Variants in FMNL3 observed in about 807,000 individuals in gnomAD.
FMNL3 encodes formin-like protein 3.
A neutral mutation model predicts 119.6 loss-of-function variants in FMNL3; 57 were observed. The ratio of observed to expected loss-of-function variants is 0.48; its 90% CI spans 0.39 to 0.59. FMNL3 has a LOEUF of 0.59. FMNL3 is among the 20% of genes least tolerant of loss of function. The probability of loss-of-function intolerance (pLI) is 0.00; values close to 1 mark genes in which losing one functional copy is unlikely to be tolerated. For missense variants in FMNL3, 1,053 were observed against 1,323.5 expected (o/e 0.80, Z 3.17); for synonymous variants, 491 against 507.3 (o/e 0.97, Z 0.43).
chr12:49,651,935 G>T lies in FMNL3; in HGVS notation c.1601C>A (p.Pro534Gln). The T allele has an allele frequency of 6.3e-7, 1 of 1,587,074 alleles. No homozygotes were observed. ...CTCCCAGGGGTCGTCGTGGTTACCT[G>T]GTAATGGGGGAGGTGGAGGGGGCAA... is the stretch of plus-strand genomic sequence containing the variant. The part of the protein sequence containing the change: ...PPLPPPPPPL[P>Q]DKCPPAPPLP... Residue 534 changes from proline (P) to glutamine (Q), a missense_variant and splice_region_variant, in exon 14 of 26, where the codon CCA becomes CAA. Physicochemically the swap from Pro to Gln is moderately conservative, Grantham distance 76. Transcript: ENST00000335154.
intron 1 of FMNL3, among the ~76,000 whole-genome samples, chr12:49,701,689 A>G (rs979957681): frequency 1.3e-5 from 2 of 152,066 alleles, no homozygotes; most frequent in Admixed American, 1.3e-4. Context: ...TGGGAGGCCG[A>G]GGTGGGCAGA....
At chr12:49,687,777 T>C (rs915697261) in intron 1 of FMNL3, among the ~76,000 whole-genome samples, 1 of 152,180 alleles carries the variant, frequency 6.6e-6, no homozygotes, top group Non-Finnish European at 1.5e-5. Context: ...GCTTCCATCC[T>C]AGTGGGGCTA....
In FMNL3 at chr12:49,644,209, C is replaced by T; in HGVS notation, c.*1606G>A. On this transcript the variant is annotated 3_prime_UTR_variant, in exon 26 of 26. Transcript: ENST00000335154. ...CACCAGTGACCCAATGAGCTGTTCT[C>T]TGCCTCGGGTCTGTGTGAGGCCATG... 6.2e-7 allele frequency: 1 copy of T among 1,613,836 alleles called. No individual in the cohort carries two copies. Among genetic ancestry groups the T allele is most frequent in the Non-Finnish European group, 8.5e-7 (1 of 1,179,894 alleles).
chr12:49,673,366 G>A (rs1211329381), intron 1 of FMNL3, among the ~76,000 whole-genome samples: 1 of 152,252 alleles, frequency 6.6e-6, no homozygotes, highest in African/African-American at 2.4e-5. Flanking sequence ...TGCTGAAGGA[G>A]GAGCTGTAAC....
At chr12:49,686,420 A>G (rs1944460882) in intron 1 of FMNL3, among the ~76,000 whole-genome samples, 1 of 151,560 alleles carries the variant, frequency 6.6e-6, no homozygotes, top group African/African-American at 2.4e-5. Context: ...TCTCTACTAA[A>G]AATACAAAAA....
chr12:49,643,517 G>A lies in FMNL3; in HGVS notation c.*2298C>T. On this transcript the variant is annotated 3_prime_UTR_variant, in exon 26 of 26. Transcript: ENST00000335154. ...GATTGGGAGGGCTGCACCTGTGGAA[G>A]TAGAAAGAACTTCCTCTACCTGCCC... The A allele has an allele frequency of 7.1e-7, 1 of 1,417,206 alleles. No homozygotes were observed. Among genetic ancestry groups the A allele is most frequent in the Non-Finnish European group, 9.5e-7 (1 of 1,052,592 alleles). 87.8% of individuals were successfully genotyped at this position (1,417,206 alleles called of 1,614,324 possible). A position where few individuals can be genotyped will look rare whatever the true frequency, so the allele number is the denominator to read the frequency against.
chr12:49,649,290 A>G lies in FMNL3; in HGVS notation c.2354T>C (p.Val785Ala), dbSNP rs1943317333. Residue 785 changes from valine (V) to alanine (A), a missense_variant, in exon 20 of 26, where the codon GTG becomes GCG. Around this residue, in one of 4 missense-constraint regions of FMNL3, gnomAD observed 324 missense variants for 380.9 expected, o/e 0.85. Transcript: ENST00000335154. The surrounding 1 kb of genome is among the most constrained non-coding windows in gnomAD (Gnocchi z 5.6). ...CAGGCTCTGGAGCTTGAAGCCATAC[A>G]CAGCTCCCCGCTTGCTGCTGTTCAT... ...NYMNSSKRGAVYGFKLQSLDL... is the reference protein window; with the variant it reads ...NYMNSSKRGAAYGFKLQSLDL... 1 of 1,613,966 alleles carries G rather than the reference A, an allele frequency of 6.2e-7. No homozygotes were observed. The highest frequency in any genetic ancestry group is 8.5e-7 in the Non-Finnish European group (1 of 1,180,034).
intron 1 of FMNL3, among the ~76,000 whole-genome samples, chr12:49,705,612 A>C (rs1945026611): frequency 6.6e-6 from 1 of 152,138 alleles, no homozygotes; most frequent in Non-Finnish European, 1.5e-5. Flanking sequence ...TCTTGTTCTC[A>C]AGGCCACTAA....
Position 49,641,658 on chromosome 12 carries a change from T to G in FMNL3, c.*4157A>C. The G allele has an allele frequency of 2.1e-6, 1 of 483,356 alleles. No individual in the cohort carries two copies. Among genetic ancestry groups the G allele is most frequent in the East Asian group, 3.4e-5 (1 of 29,540 alleles). 29.9% of individuals were successfully genotyped at this position (483,356 alleles called of 1,614,324 possible). Reference sequence around the variant, plus strand: ...AAAGTTAATTTTGAGAAACTCAGCATTAATCAGCAGTTGGGAGACATCTCC... The same window carrying G: ...AAAGTTAATTTTGAGAAACTCAGCAGTAATCAGCAGTTGGGAGACATCTCC... On this transcript the variant is annotated 3_prime_UTR_variant, in exon 26 of 26. Transcript: ENST00000335154.
rs2138537432 is a variant in FMNL3 at position 49,636,907 on chromosome 12, T to C, written c.*8908A>G. 6.2e-7 allele frequency: 1 copy of C among 1,608,082 alleles called. No homozygotes were observed. The highest frequency in any genetic ancestry group is 1.7e-5 in the Admixed American group (1 of 59,936). ...AGCTCTGCCCTAGAGCACAACCTCTTCACCCATTCCCTGCCCCCTTCTGGA... is the reference window on the plus strand; with the variant it reads ...AGCTCTGCCCTAGAGCACAACCTCTCCACCCATTCCCTGCCCCCTTCTGGA... On this transcript the variant is annotated 3_prime_UTR_variant, in exon 26 of 26. Transcript: ENST00000335154.
chr12:49,696,450 C>T (rs1455427300), intron 1 of FMNL3, among the ~76,000 whole-genome samples: 13 of 152,216 alleles, frequency 8.5e-5, no homozygotes, highest in Admixed American at 8.5e-4. Context: ...CGTATAAGCT[C>T]ACCCACACAA....
rs756458100 is a variant in FMNL3 at position 49,652,067 on chromosome 12, C to T, written c.1469G>A (p.Gly490Asp). 2 of 1,612,110 alleles carry T rather than the reference C, an allele frequency of 1.2e-6. No homozygotes were observed. Among genetic ancestry groups the T allele is most frequent in the East Asian group, 2.2e-5 (1 of 44,880 alleles). The change falls in exon 14 of 26, where the codon GGC becomes GAC. Residue 490 changes from glycine to aspartate, a missense_variant. By Grantham distance (94) the Gly-to-Asp change is moderately conservative. Transcript: ENST00000335154. Reference sequence around the variant, plus strand: ...CATGCCCTCACTCAGCTCTGCAGGGCCTACTCTGGCCAGGGCCTCACTGTC... The same window carrying T: ...CATGCCCTCACTCAGCTCTGCAGGGTCTACTCTGGCCAGGGCCTCACTGTC... ...SVDSEALARVGPAELSEGMPP... is the reference protein window; with the variant it reads ...SVDSEALARVDPAELSEGMPP...
intron 21 of FMNL3, 43 bp from the exon 22 acceptor site, chr12:49,648,396 A>C: frequency 6.3e-7 from 1 of 1,580,924 alleles, no homozygotes; most frequent in Non-Finnish European, 8.6e-7. Flanking sequence ...AGGGCCTGGC[A>C]TGCTCACCTC....
At chr12:49,690,081 T>C (rs1944562859) in intron 1 of FMNL3, among the ~76,000 whole-genome samples, 1 of 152,230 alleles carries the variant, frequency 6.6e-6, no homozygotes, top group African/African-American at 2.4e-5. Flanking sequence ...AGCATGTGAT[T>C]GGGCAAGACA....
chr12:49,670,675 C>T (rs1281875166), intron 1 of FMNL3, among the ~76,000 whole-genome samples: 1 of 152,226 alleles, frequency 6.6e-6, no homozygotes, highest in Non-Finnish European at 1.5e-5. Context: ...TCTGCCTGAA[C>T]TTCCACAGGA....
intron 1 of FMNL3, among the ~76,000 whole-genome samples, chr12:49,684,621 T>C (rs1944413033): frequency 6.6e-6 from 1 of 151,896 alleles, no homozygotes; most frequent in Admixed American, 6.6e-5. Context: ...CCGCGACCTG[T>C]TGCCCCATAA....
intron 11 of FMNL3, 139 bp from the exon 12 acceptor site, chr12:49,654,013 G>T: frequency 7.6e-7 from 1 of 1,322,538 alleles, no homozygotes; most frequent in Admixed American, 2.3e-5. Context: ...TCAGATTCTC[G>T]CCCCCATGGA....
Position 49,645,746 on chromosome 12 carries a change from C to T in FMNL3, c.*69G>A. The stretch of plus-strand genomic sequence containing the variant: ...CACAGCCCTCTCCTGAGCCCTTGGC[C>T]AATTCCAGGTCCACTGGTTGGACTT... On this transcript the variant is annotated 3_prime_UTR_variant, in exon 26 of 26. Transcript: ENST00000335154. 7.1e-7 allele frequency: 1 copy of T among 1,400,088 alleles called. No homozygotes were observed. Among genetic ancestry groups the T allele is most frequent in the South Asian group, 1.3e-5 (1 of 79,548 alleles). 86.7% of individuals were successfully genotyped at this position (1,400,088 alleles called of 1,614,324 possible).
chr12:49,689,695 G>A (rs1249343818), intron 1 of FMNL3, among the ~76,000 whole-genome samples: 1 of 152,324 alleles, frequency 6.6e-6, no homozygotes, highest in East Asian at 1.9e-4. Flanking sequence ...CAACCTGGGT[G>A]ACAGAGCAAG....
Sources: allele counts gnomAD v4.1 joint callset (sites outside exome capture counted in the v4.1 genomes callset), GRCh38; gene constraint gnomAD v4.1.1; regional missense constraint gnomAD v4.1.1; non-coding constraint Gnocchi (gnomAD v3.1); transcripts MANE v1.5; gene names NCBI Gene and HGNC (gene_info 2026-07-23, HGNC 2026-07-21).